The following KALRN variants were observed in gnomAD, a reference collection of about 807,000 sequenced individuals.
KALRN encodes kalirin.
Under a neutral mutation model 353.7 loss-of-function variants are expected in KALRN, and 70 were observed. That is an observed-to-expected ratio of 0.20 (90% confidence interval 0.16 to 0.24). KALRN has a LOEUF of 0.24. Ranked by LOEUF, KALRN falls within the 10% of genes least tolerant of loss-of-function variation. The pLI is 1.00. For missense variants in KALRN, 2,791 were observed against 3,756.7 expected (o/e 0.74, Z 6.72); for synonymous variants, 1,391 against 1,434.8 (o/e 0.97, Z 0.69).
At position 124,035,446 on chromosome 3, in the gene KALRN, A is replaced by G. The variant is rs551203613; in HGVS notation, c.73+1633A>G. ...ACCCCCCTTGCCTCCCAACTGGGGC[A>G]AAAGTCTGCATTTTCTTAGCTCTGA... is the stretch of plus-strand genomic sequence containing the variant. On this transcript the variant is annotated intron_variant, in intron 1 of 59. Coordinates refer to ENST00000682506, the MANE Select transcript of KALRN (RefSeq NM_001388419.1). Among the ~76,000 whole-genome samples the G allele has an allele frequency of 2.0e-5, 3 of 152,258 alleles. No individual in the cohort carries two copies. The South Asian group carries it at 6.2e-4, about 32-fold the overall frequency.
chr3:124,689,458 C>A (rs565088458), intron 51 of KALRN, among the ~76,000 whole-genome samples: 12 of 152,296 alleles, frequency 7.9e-5, no homozygotes, highest in African/African-American at 2.6e-4. Context: ...CTGCCTCAGC[C>A]TCCCAAAGTA....
intron 48 of KALRN, among the ~76,000 whole-genome samples, chr3:124,672,519 A>G (rs2086590538): frequency 6.6e-6 from 1 of 152,226 alleles, no homozygotes; most frequent in African/African-American, 2.4e-5. Flanking sequence ...ACCTACTGAA[A>G]GAAGTTCCCA....
At chr3:124,281,565 A>G (rs2075345578) in intron 5 of KALRN, among the ~76,000 whole-genome samples, 1 of 152,058 alleles carries the variant, frequency 6.6e-6, no homozygotes, top group Non-Finnish European at 1.5e-5. Context: ...CTGCTCCACT[A>G]TATGTGCCTA....
intron 51 of KALRN, among the ~76,000 whole-genome samples, chr3:124,679,983 G>C (rs1374825294): frequency 2.0e-5 from 3 of 152,122 alleles, no homozygotes; most frequent in African/African-American, 7.2e-5. Flanking sequence ...TCTTCTACTG[G>C]GTTTTATTCC....
intron 10 of KALRN, among the ~76,000 whole-genome samples, chr3:124,363,503 TGTACTTAAAA>T (rs1321906085): frequency 6.6e-6 from 1 of 152,234 alleles, no homozygotes; most frequent in Non-Finnish European, 1.5e-5. Context: ...AGTAAGATAA[TGTACTTAAAA>T]GTACTTTAAG....
At chr3:124,568,635 C>T (rs1250444691) in intron 34 of KALRN, among the ~76,000 whole-genome samples, 1 of 152,170 alleles carries the variant, frequency 6.6e-6, no homozygotes, top group Non-Finnish European at 1.5e-5. Context: ...TGAATATATA[C>T]ATACAATGGG....
intron 1 of KALRN, among the ~76,000 whole-genome samples, chr3:124,056,555 A>G (rs1397621024): frequency 1.3e-5 from 2 of 152,214 alleles, no homozygotes; most frequent in African/African-American, 2.4e-5. Context: ...TTGAAAGTCT[A>G]TGGGGTCTCT....
intron 1 of KALRN, among the ~76,000 whole-genome samples, chr3:124,140,149 C>A (rs755863528): frequency 6.6e-6 from 1 of 152,152 alleles, no homozygotes; most frequent in Non-Finnish European, 1.5e-5. Flanking sequence ...ACTTCAGTAG[C>A]CTACCCAAAT....
At chr3:124,140,462 G>A (rs2066483177) in intron 1 of KALRN, among the ~76,000 whole-genome samples, 1 of 152,154 alleles carries the variant, frequency 6.6e-6, no homozygotes, top group African/African-American at 2.4e-5. Context: ...CTTGAGGATG[G>A]AATTCAGTTC....
At chr3:124,490,623 G>C (rs572229800) in intron 29 of KALRN, 71 bp from the exon 30 acceptor site, 51 of 1,417,970 alleles carry the variant, frequency 3.6e-5, no homozygotes, top group South Asian at 2.8e-4. Context: ...TTCTCCAAGA[G>C]GGGGGTGGAA....
intron 1 of KALRN, among the ~76,000 whole-genome samples, chr3:124,205,201 A>G (rs1160885425): frequency 6.6e-6 from 1 of 152,190 alleles, no homozygotes; most frequent in East Asian, 1.9e-4. Context: ...GCTGATTTCT[A>G]TTGTGTAAAT....
At chr3:124,519,042 C>A in intron 33 of KALRN, 1 of 986,040 alleles carries the variant, frequency 1.0e-6, no homozygotes, top group Non-Finnish European at 1.2e-6. Flanking sequence ...CTGGCAACAA[C>A]CACTTCCTCA....
chr3:124,251,644 T>A (rs2071193357), intron 3 of KALRN, among the ~76,000 whole-genome samples: 1 of 152,216 alleles, frequency 6.6e-6, no homozygotes, highest in Non-Finnish European at 1.5e-5. Flanking sequence ...GTGCTGGGAT[T>A]ACAGGCGTGA....
At chr3:124,677,677 GT>G (rs1441819090) in intron 49 of KALRN, 2 of 448,104 alleles carry the variant, frequency 4.5e-6, no homozygotes, top group Non-Finnish European at 9.0e-6. Context: ...GATCAACATT[GT>G]TTGGGAGTGG....
chr3:124,176,211 A>C (rs1275578352), intron 1 of KALRN, among the ~76,000 whole-genome samples: 1 of 152,066 alleles, frequency 6.6e-6, no homozygotes, highest in African/African-American at 2.4e-5. Flanking sequence ...CTCCTAGAAC[A>C]GTGACTTGGC....
intron 1 of KALRN, among the ~76,000 whole-genome samples, chr3:124,179,462 T>C (rs1340059431): frequency 6.6e-6 from 1 of 152,262 alleles, no homozygotes; most frequent in Non-Finnish European, 1.5e-5. Context: ...CCATCTAGAA[T>C]ACTTCCTGAA....
intron 1 of KALRN, among the ~76,000 whole-genome samples, chr3:124,200,384 C>T (rs971252144): frequency 2.6e-5 from 4 of 152,124 alleles, no homozygotes; most frequent in African/African-American, 7.2e-5. Context: ...GATCAAGGTG[C>T]CTGCAGATTC....
chr3:124,453,240 C>T (rs1002912658), intron 21 of KALRN, among the ~76,000 whole-genome samples: 4 of 152,160 alleles, frequency 2.6e-5, no homozygotes, highest in Admixed American at 6.5e-5. Flanking sequence ...GGAGATGTTT[C>T]GGCTATCCTC....
At chr3:124,382,220 T>C (rs1438686998) in intron 10 of KALRN, among the ~76,000 whole-genome samples, 1 of 152,198 alleles carries the variant, frequency 6.6e-6, no homozygotes, top group Non-Finnish European at 1.5e-5. Context: ...TTTAGAACAA[T>C]CCTTGTCATG....
Sources: gnomAD v4.1 joint callset for allele counts (sites outside exome capture counted in the v4.1 genomes callset) on GRCh38, gnomAD v4.1.1 for gene constraint, MANE v1.5 for transcripts, NCBI Gene and HGNC (gene_info 2026-07-23, HGNC 2026-07-21) for gene names.